Variants in TRIM50 observed in about 807,000 individuals in gnomAD.
TRIM50 encodes tripartite motif containing 50.
A neutral mutation model predicts 44.9 loss-of-function variants in TRIM50; 34 were observed. The ratio of observed to expected loss-of-function variants is 0.76; its 90% CI spans 0.58 to 1.01. The LOEUF (loss-of-function observed/expected upper bound fraction) is 1.01. TRIM50 is among the 50% of genes least tolerant of loss of function. TRIM50 has a pLI of 0.00. For synonymous variants in TRIM50, 307 were observed against 291.1 expected (o/e 1.05, Z -0.56); for missense variants, 633 against 663.7 (o/e 0.95, Z 0.51).
intron 2 of TRIM50, among the ~76,000 whole-genome samples, chr7:73,322,717 G>T (rs1554545244): frequency 1.3e-5 from 2 of 152,154 alleles, no homozygotes; most frequent in African/African-American, 4.8e-5. Flanking sequence ...TCTCAATCCA[G>T]ATTTTAAGCC....
At position 73,313,254 on chromosome 7, in the gene TRIM50, G is replaced by A. The variant is rs1554543433; in HGVS notation, c.1131C>T (p.Asn377=). 9 of 1,599,962 alleles carry A rather than the reference G, an allele frequency of 5.6e-6. No homozygotes were observed. Among genetic ancestry groups the A allele is most frequent in the Non-Finnish European group, 7.7e-6 (9 of 1,173,910 alleles). ...GCCACACGCCGTGCTCGGGGGACCT[G>A]TTCAGCTTGCCCTTACGGCTGGCTG... ...KGTASRKGKL[N]RSPEHGVWLI... is the part of the protein sequence containing the mutation. Residue 377 remains asparagine (N), a synonymous_variant, in exon 7 of 7, where the codon AAC becomes AAT. Coordinates refer to ENST00000333149, the MANE Select transcript of TRIM50 (RefSeq NM_178125.3). This position sits in a 1 kb window ranked among gnomAD's most constrained non-coding sequence, Gnocchi z 4.9.
chr7:73,317,416 G>T (rs1804389200), intron 5 of TRIM50, among the ~76,000 whole-genome samples: 1 of 148,786 alleles, frequency 6.7e-6, no homozygotes, highest in Non-Finnish European at 1.5e-5. Context: ...GGAGTGCAGT[G>T]GGGTGATCTT....
intron 1 of TRIM50, among the ~76,000 whole-genome samples, chr7:73,326,882 C>T (rs1360057044): frequency 1.3e-5 from 2 of 152,076 alleles, no homozygotes; most frequent in Admixed American, 6.6e-5. Context: ...CTCCGCCTCC[C>T]GGGTTCAAGT....
At chr7:73,323,809 GC>G (rs1554545394) in intron 2 of TRIM50, among the ~76,000 whole-genome samples, 2 of 152,284 alleles carry the variant, frequency 1.3e-5, no homozygotes, top group Middle Eastern at 3.4e-3. Flanking sequence ...GGAGGCCCAG[GC>G]AGGAGGATCA....
chr7:73,318,593 G>A, intron 5 of TRIM50, 94 bp downstream of exon 5: 1 of 1,609,974 alleles, frequency 6.2e-7, no homozygotes, highest in Non-Finnish European at 8.5e-7. Flanking sequence ...CTGCTTGGGA[G>A]GCGCTGGTTA....
At position 73,313,078 on chromosome 7, in the gene TRIM50, A is replaced by G. The variant is rs1804262823; in HGVS notation, c.1307T>C (p.Leu436Pro). 1.3e-6 allele frequency: 2 copies of G among 1,590,082 alleles called. No individual in the cohort carries two copies. The highest frequency in any genetic ancestry group is 2.3e-5 in the East Asian group (1 of 43,832). The change falls in exon 7 of 7, where the codon CTG becomes CCG. Residue 436 changes from leucine to proline, a missense_variant. Physicochemically the swap from Leu to Pro is moderately conservative, Grantham distance 98. Transcript: ENST00000333149. This position sits in a 1 kb window ranked among gnomAD's most constrained non-coding sequence, Gnocchi z 4.9. ...GGCCTGGAAGGTGTAGAGCGGCCGC[A>G]GGTCATCGGGGCGGTCGGCATCGAA... ...TFFDADRPDD[L>P]RPLYTFQADF...
Position 73,313,031 on chromosome 7 carries a change from G to T in TRIM50, c.1354C>A (p.Pro452Thr). 2 of 1,567,702 alleles carry T rather than the reference G, an allele frequency of 1.3e-6. No homozygotes were observed. Among genetic ancestry groups the T allele is most frequent in the Non-Finnish European group, 1.7e-6 (2 of 1,156,224 alleles). The change falls in exon 7 of 7, where the codon CCC becomes ACC. Residue 452 changes from proline (P) to threonine (T), a missense_variant. Coordinates refer to ENST00000333149, the MANE Select transcript of TRIM50 (RefSeq NM_178125.3). The surrounding 1 kb of genome is among the most constrained non-coding windows in gnomAD (Gnocchi z 4.9). Reference protein sequence around the residue: ...FQADFQGKLYPILDTCWHERG... With the variant: ...FQADFQGKLYTILDTCWHERG... ...TCGTGCCAGCAGGTGTCCAGGATGGGGTAGAGCTTGCCCTGGAAGTCGGCC... is the reference window on the plus strand; with the variant it reads ...TCGTGCCAGCAGGTGTCCAGGATGGTGTAGAGCTTGCCCTGGAAGTCGGCC...
rs782274548 is a variant in TRIM50 at position 73,319,086 on chromosome 7, C to T, written c.496-34G>A. On this transcript the variant is annotated intron_variant, in intron 3 of 6. Transcript: ENST00000333149. The stretch of plus-strand genomic sequence containing the variant: ...GGGAGGGCTGGTCACTGCAGAGTCA[C>T]AGCCGAGCTGCCAGGCTCTGTCTGG... 2.5e-6 allele frequency: 4 copies of T among 1,613,918 alleles called. No individual in the cohort carries two copies. In the Admixed American group the frequency reaches 5.0e-5, roughly 20 times the overall value.
chr7:73,322,347 TCAA>T (rs762528024), intron 2 of TRIM50, among the ~76,000 whole-genome samples: 23 of 151,990 alleles, frequency 1.5e-4, no homozygotes, highest in Admixed American at 1.0e-3. Flanking sequence ...AGACTCTGTC[TCAA>T]CAACAACAAC....
At position 73,324,773 on chromosome 7, in the gene TRIM50, C is replaced by T. The variant is rs782036393; in HGVS notation, c.15G>A (p.Val5=). The T allele has an allele frequency of 1.2e-6, 2 of 1,613,948 alleles. No individual in the cohort carries two copies. The highest frequency in any genetic ancestry group is 2.2e-5 in the East Asian group (1 of 44,870). ...GCCGGTCCTCCAGCTCTGGCAGGCT[C>T]ACCTGCCAAGCCATCCACACTCACT... The part of the protein sequence containing the change: MAWQ[V]SLPELEDRLQ... The change falls in exon 2 of 7, where the codon GTG becomes GTA. Residue 5 remains valine (V), a synonymous_variant. Transcript: ENST00000333149.
intron 5 of TRIM50, among the ~76,000 whole-genome samples, chr7:73,317,680 T>A (rs1176026203): frequency 6.6e-6 from 1 of 152,142 alleles, no homozygotes; most frequent in African/African-American, 2.4e-5. Flanking sequence ...TTTAAACCCA[T>A]GTCTTCTGAC....
intron 1 of TRIM50, among the ~76,000 whole-genome samples, 196 bp downstream of exon 1, chr7:73,327,704 C>G (rs1449680395): frequency 1.3e-5 from 2 of 152,198 alleles, no homozygotes; most frequent in African/African-American, 4.8e-5. Context: ...GCAGCCACTC[C>G]GAGGGCTCCT....
chr7:73,314,399 G>C (rs1347580367), intron 6 of TRIM50: 3 of 422,388 alleles, frequency 7.1e-6, no homozygotes, highest in Non-Finnish European at 1.4e-5. Flanking sequence ...GCTTAAGCTG[G>C]CCCAGAAGTA....
chr7:73,320,059 T>C (rs562669788), intron 3 of TRIM50, 88 bp downstream of exon 3: 2 of 1,608,424 alleles, frequency 1.2e-6, no homozygotes, highest in Admixed American at 3.3e-5. Flanking sequence ...GAAGGCATGG[T>C]TTTCTGTAAA....
intron 2 of TRIM50, among the ~76,000 whole-genome samples, chr7:73,323,466 C>T (rs1228614749): frequency 2.6e-5 from 4 of 152,318 alleles, no homozygotes; most frequent in Admixed American, 1.3e-4. Context: ...CCACCCACCT[C>T]GGCCTCCCAA....
At position 73,313,545 on chromosome 7, in the gene TRIM50, C is replaced by T. The variant is rs367992763; in HGVS notation, c.875-35G>A. ...AGATCACAGAGGGTCTGTGAGGCCA[C>T]GTGGAGGGCAGCAGACCCGGCCCAC... On this transcript the variant is annotated intron_variant, in intron 6 of 6. Transcript: ENST00000333149. This position sits in a 1 kb window ranked among gnomAD's most constrained non-coding sequence, Gnocchi z 4.9. 105 of 1,450,780 alleles carry T rather than the reference C, an allele frequency of 7.2e-5. No individual in the cohort carries two copies. Among genetic ancestry groups the T allele is most frequent in the Non-Finnish European group, 9.1e-5 (100 of 1,101,140 alleles). 89.9% of individuals were successfully genotyped at this position (1,450,780 alleles called of 1,614,324 possible).
At chr7:73,321,544 C>T (rs1554545032) in intron 2 of TRIM50, among the ~76,000 whole-genome samples, 1 of 152,114 alleles carries the variant, frequency 6.6e-6, no homozygotes, top group Non-Finnish European at 1.5e-5. Context: ...TTGCGACCTC[C>T]CCAAGCTGAC....
At chr7:73,322,969 AG>A (rs1804530573) in intron 2 of TRIM50, among the ~76,000 whole-genome samples, 1 of 152,170 alleles carries the variant, frequency 6.6e-6, no homozygotes, top group Non-Finnish European at 1.5e-5. Context: ...CCTCTGTGCA[AG>A]GGGGAATCAC....
chr7:73,318,851 C>T lies in TRIM50; in HGVS notation c.697G>A (p.Gly233Ser), dbSNP rs1261346505. ...ATGAACTTGTGGTGGTCCTCATTGCCGAACTGTTCCAGCACACACTCGGCT... is the reference window on the plus strand; with the variant it reads ...ATGAACTTGTGGTGGTCCTCATTGCTGAACTGTTCCAGCACACACTCGGCT... Reference protein sequence around the residue: ...AQAECVLEQFGNEDHHKFIRK... With the variant: ...AQAECVLEQFSNEDHHKFIRK... The change falls in exon 4 of 7, where the codon GGC (glycine) becomes AGC (serine). Residue 233 changes from glycine to serine, a missense_variant. Physicochemically the swap from Gly to Ser is moderately conservative, Grantham distance 56. Coordinates refer to ENST00000333149, the MANE Select transcript of TRIM50 (RefSeq NM_178125.3). 1.1e-5 allele frequency: 17 copies of T among 1,613,874 alleles called. No homozygotes were observed. The highest frequency in any genetic ancestry group is 1.4e-5 in the Non-Finnish European group (16 of 1,179,878).
Sources: gnomAD v4.1 joint callset for allele counts (sites outside exome capture counted in the v4.1 genomes callset) on GRCh38, gnomAD v4.1.1 for gene constraint, Gnocchi (gnomAD v3.1) non-coding constraint, MANE v1.5 for transcripts, NCBI Gene and HGNC (gene_info 2026-07-23, HGNC 2026-07-21) for gene names.